Variants in IFT122 observed in about 807,000 individuals in gnomAD.
IFT122 encodes the protein intraflagellar transport protein 122 homolog.
Under a neutral mutation model 161.6 loss-of-function variants are expected in IFT122, and 118 were observed. That is an observed-to-expected ratio of 0.73 (90% CI 0.63 to 0.85). The LOEUF (loss-of-function observed/expected upper bound fraction) is 0.85, where lower values mean the gene tolerates loss of function less well. IFT122 is among the 40% of genes least tolerant of loss of function. The probability of loss-of-function intolerance (pLI) is 0.00; values close to 1 mark genes in which losing one functional copy is unlikely to be tolerated. For missense variants in IFT122, 1,381 were observed against 1,579.6 expected (o/e 0.87, Z 2.13); for synonymous variants, 550 against 602.4 (o/e 0.91, Z 1.27).
intron 9 of IFT122, 51 bp downstream of exon 9, chr3:129,469,468 T>C (rs1364681655): frequency 7.3e-7 from 1 of 1,368,678 alleles, no homozygotes; most frequent in Middle Eastern, 2.1e-4. Context: ...TATATTTTCA[T>C]TTTCTGAGAT....
At chr3:129,479,541 C>T (rs1000045246) in intron 12 of IFT122, among the ~76,000 whole-genome samples, 2 of 152,138 alleles carry the variant, frequency 1.3e-5, no homozygotes, top group Admixed American at 1.3e-4. Context: ...TGAGTGCTGC[C>T]TCTGGCCTAG....
intron 20 of IFT122, among the ~76,000 whole-genome samples, chr3:129,503,185 G>A (rs184874852): frequency 3.0e-4 from 45 of 152,312 alleles, no homozygotes; most frequent in Middle Eastern, 3.4e-3. Context: ...CCTGCTGTTG[G>A]GCTGAGCTGC....
intron 2 of IFT122, among the ~76,000 whole-genome samples, 185 bp downstream of exon 2, chr3:129,450,122 A>T (rs1166246294): frequency 6.6e-6 from 1 of 152,176 alleles, no homozygotes; most frequent in Non-Finnish European, 1.5e-5. Context: ...CTATCAGATA[A>T]GAACCTGTGA....
chr3:129,505,715 G>A (rs2082126929), intron 21 of IFT122, among the ~76,000 whole-genome samples: 1 of 152,254 alleles, frequency 6.6e-6, no homozygotes, highest in African/African-American at 2.4e-5. Flanking sequence ...TGGCCACGTA[G>A]TAGGTACTCA....
intron 9 of IFT122, among the ~76,000 whole-genome samples, chr3:129,475,419 A>G (rs535340469): frequency 1.3e-5 from 2 of 152,360 alleles, no homozygotes; most frequent in Admixed American, 6.5e-5. Context: ...TGGGAGGCCA[A>G]GGTGGGTGGA....
At chr3:129,462,818 CA>C (rs552890578) in intron 5 of IFT122, among the ~76,000 whole-genome samples, 78 of 152,278 alleles carry the variant, frequency 5.1e-4, no homozygotes, top group South Asian at 1.2e-3. Context: ...GCATCTGGGA[CA>C]GGGGGGAGCA....
At chr3:129,516,321 G>GCACACACACACAGAGACCGCCCCTGCA (rs562463599) in intron 26 of IFT122, among the ~76,000 whole-genome samples, 1 of 70,252 alleles carries the variant, frequency 1.4e-5, no homozygotes, top group Non-Finnish European at 2.5e-5. Context: ...GACTGCCCCT[G>GCACACACACACAGAGACCGCCCCTGCA]CACACACACA....
At chr3:129,443,707 AAAG>A (rs145979250) in intron 1 of IFT122, among the ~76,000 whole-genome samples, 3,889 of 152,360 alleles carry the variant, frequency 0.026, 179 homozygotes, top group African/African-American at 0.09. Flanking sequence ...AACACAATGT[AAAG>A]AAGACTGTAT....
intron 28 of IFT122, 26 bp from the exon 29 acceptor site, chr3:129,519,540 CTG>C: frequency 6.2e-7 from 1 of 1,611,756 alleles, no homozygotes; most frequent in Admixed American, 1.7e-5. Flanking sequence ...AGTGAGGACA[CTG>C]TGCCTCCTTC....
chr3:129,502,593 G>A, intron 19 of IFT122, 118 bp from the exon 20 acceptor site: 2 of 1,154,888 alleles, frequency 1.7e-6, no homozygotes, highest in East Asian at 2.3e-5. Flanking sequence ...TACCCACTGA[G>A]CAACTCCCAT....
chr3:129,516,298 ACACACACACAGAGACTGCCCCTG>A (rs1442122782), intron 26 of IFT122, among the ~76,000 whole-genome samples: 1,504 of 137,066 alleles, frequency 0.011, 48 homozygotes, highest in African/African-American at 0.038. Context: ...ACACACACAC[ACACACACACAGAGACTGCCCCTG>A]CACACACACA....
chr3:129,487,583 G>C (rs1162621900), intron 15 of IFT122: 1 of 161,670 alleles, frequency 6.2e-6, no homozygotes, highest in Non-Finnish European at 1.4e-5. Flanking sequence ...GATCAGGAGA[G>C]CTGTTTCCAG....
Position 129,481,563 on chromosome 3 carries a change from A to C in IFT122, c.1522A>C (p.Ile508Leu), listed in dbSNP as rs1417822661. Reference sequence around the variant, plus strand: ...GATCTTCGTGGACAATCTCTTTGCTATCGTCCTGCTGAAGCAGGCCACAGC... The same window carrying C: ...GATCTTCGTGGACAATCTCTTTGCTCTCGTCCTGCTGAAGCAGGCCACAGC... ...LKIFVDNLFA[I>L]VLLKQATAVR... Residue 508 changes from isoleucine to leucine, a missense_variant, in exon 14 of 30, where the codon ATC becomes CTC. By Grantham distance (5) the Ile-to-Leu change is conservative. Around this residue, in one of 7 missense-constraint regions of IFT122, gnomAD observed 544 missense variants for 648.0 expected, o/e 0.84. Transcript: ENST00000348417. 1 of 1,588,310 alleles carries C rather than the reference A, an allele frequency of 6.3e-7. No individual in the cohort carries two copies. Among genetic ancestry groups the C allele is most frequent in the Non-Finnish European group, 8.6e-7 (1 of 1,156,892 alleles).
chr3:129,468,196 G>T (rs2076998707), intron 8 of IFT122, among the ~76,000 whole-genome samples: 1 of 152,210 alleles, frequency 6.6e-6, no homozygotes, highest in African/African-American at 2.4e-5. Context: ...TCTTGGCTGG[G>T]TTTTACAAAC....
chr3:129,511,194 C>T (rs1006951082), intron 23 of IFT122, among the ~76,000 whole-genome samples: 1 of 152,212 alleles, frequency 6.6e-6, no homozygotes, highest in East Asian at 1.9e-4. Context: ...TCCCCTGCTA[C>T]CTATTCTCTC....
intron 7 of IFT122, among the ~76,000 whole-genome samples, chr3:129,466,021 C>T (rs563731670): frequency 6.6e-6 from 1 of 152,178 alleles, no homozygotes; most frequent in Admixed American, 6.5e-5. Flanking sequence ...GTTGGCCAGG[C>T]TGGTCTTGAA....
Position 129,514,412 on chromosome 3 carries a change from A to C in IFT122, c.3011A>C (p.Lys1004Thr), listed in dbSNP as rs1328215283. The change falls in exon 25 of 30, where the codon AAG (lysine) becomes ACG (threonine). Residue 1004 changes from lysine to threonine, a missense_variant. Lys to Thr is a moderately conservative substitution (Grantham distance 78). This residue lies in a region of IFT122 where 496 missense variants were observed against 502.5 expected (regional missense o/e 0.99). Coordinates refer to ENST00000348417, the MANE Select transcript of IFT122 (RefSeq NM_052989.3). ...AGGAAAATACTCTTCACCTTGGCCAAGCAGAGCAAGGCCCTCGGTGCCTAC... is the reference window on the plus strand; with the variant it reads ...AGGAAAATACTCTTCACCTTGGCCACGCAGAGCAAGGCCCTCGGTGCCTAC... ...SKVKILFTLA[K>T]QSKALGAYRL... 6.2e-7 allele frequency: 1 copy of C among 1,614,146 alleles called. No homozygotes were observed. Among genetic ancestry groups the C allele is most frequent in the Admixed American group, 1.7e-5 (1 of 60,030 alleles).
chr3:129,505,342 C>A (rs1477452373), intron 21 of IFT122, among the ~76,000 whole-genome samples: 1 of 152,186 alleles, frequency 6.6e-6, no homozygotes, highest in African/African-American at 2.4e-5. Context: ...TATATGGTAA[C>A]CGTTGCCCTC....
At chr3:129,455,319 C>T (rs1187924795) in intron 3 of IFT122, among the ~76,000 whole-genome samples, 2 of 151,916 alleles carry the variant, frequency 1.3e-5, no homozygotes, top group African/African-American at 2.4e-5. Flanking sequence ...ACTACAGGCA[C>T]GCGCCACCAT....
Sources: allele counts gnomAD v4.1 joint callset (sites outside exome capture counted in the v4.1 genomes callset), GRCh38; gene constraint gnomAD v4.1.1; regional missense constraint gnomAD v4.1.1; transcripts MANE v1.5; gene names NCBI Gene and HGNC (gene_info 2026-07-23, HGNC 2026-07-21).